Variants in ANKFN1 observed in about 807,000 individuals in gnomAD.
The protein encoded by ANKFN1 is ankyrin repeat and fibronectin type III domain containing 1, also known as ankyrin repeat and fibronectin type-III domain-containing protein 1.
A neutral mutation model predicts 108.7 loss-of-function variants in ANKFN1; 74 were observed. That is an observed-to-expected ratio of 0.68 (90% CI 0.56 to 0.83). ANKFN1 has a LOEUF of 0.83. ANKFN1 is among the 40% of genes least tolerant of loss of function. ANKFN1 has a pLI of 0.00. For synonymous variants in ANKFN1, 547 were observed against 516.2 expected (o/e 1.06, Z -0.81); for missense variants, 1,505 against 1,382.3 (o/e 1.09, Z -1.41).
intron 4 of ANKFN1, among the ~76,000 whole-genome samples, 185 bp downstream of exon 4, chr17:56,326,540 T>C (rs1207590826): frequency 6.6e-6 from 1 of 152,182 alleles, no homozygotes; most frequent in Non-Finnish European, 1.5e-5. Flanking sequence ...TGGTCTGCAA[T>C]TGTACATACA....
At chr17:56,375,324 A>G (rs2046917373) in intron 8 of ANKFN1, among the ~76,000 whole-genome samples, 1 of 152,204 alleles carries the variant, frequency 6.6e-6, no homozygotes, top group Admixed American at 6.5e-5. Context: ...CACAGGTATA[A>G]AACCAAGAAC....
chr17:56,095,506 T>C (rs544448396), intron 4 of ANKFN1, among the ~76,000 whole-genome samples: 1 of 142,548 alleles, frequency 7.0e-6, no homozygotes, highest in Admixed American at 6.9e-5. Context: ...CTTGCTATTT[T>C]GCTCAGGCTG....
At chr17:56,477,821 T>C (rs1012789770) in intron 16 of ANKFN1, among the ~76,000 whole-genome samples, 167 bp downstream of exon 16, 1 of 152,058 alleles carries the variant, frequency 6.6e-6, no homozygotes, top group Non-Finnish European at 1.5e-5. Context: ...GGGGTTTTTT[T>C]TTGTTTTGTT....
At chr17:56,268,798 C>T (rs1292383688) in intron 3 of ANKFN1, among the ~76,000 whole-genome samples, 1 of 152,048 alleles carries the variant, frequency 6.6e-6, no homozygotes, top group South Asian at 2.1e-4. Context: ...TTATTTTCAA[C>T]TCATCTTCTT....
intron 3 of ANKFN1, among the ~76,000 whole-genome samples, chr17:56,314,228 G>A (rs1475857504): frequency 6.6e-6 from 1 of 152,180 alleles, no homozygotes; most frequent in East Asian, 1.9e-4. Context: ...AACTAAGACT[G>A]CTATATTCTT....
At chr17:56,323,928 G>A (rs764408007) in intron 3 of ANKFN1, among the ~76,000 whole-genome samples, 5 of 152,134 alleles carry the variant, frequency 3.3e-5, no homozygotes, top group Admixed American at 6.5e-5. Flanking sequence ...ATAAGGTGTC[G>A]TGCTTTCAGA....
chr17:56,303,610 T>C (rs2044732776), intron 3 of ANKFN1, among the ~76,000 whole-genome samples: 1 of 152,188 alleles, frequency 6.6e-6, no homozygotes, highest in South Asian at 2.1e-4. Flanking sequence ...TTAAGCTTCT[T>C]ATTTTGAGAT....
At chr17:56,061,445 G>C (rs1904975152) in intron 4 of ANKFN1, among the ~76,000 whole-genome samples, 1 of 151,490 alleles carries the variant, frequency 6.6e-6, no homozygotes, top group Non-Finnish European at 1.5e-5. Flanking sequence ...CTAATTTTTT[G>C]TATTTTTAGT....
rs545163697 is a variant in ANKFN1, at chr17:56,123,302, A to G, written c.288+76977A>G. Among the ~76,000 whole-genome samples the G allele has an allele frequency of 4.6e-5, 7 of 152,332 alleles. No homozygotes were observed. In the South Asian group the frequency reaches 1.4e-3, roughly 32 times the overall value. On this transcript the variant is annotated intron_variant, in intron 4 of 12. Transcript: ENST00000635860. ...TTCCATCAGCGAACTCTGAGAATGC[A>G]GAACAGCTCCTGCCTTGAGCATCTC...
intron 3 of ANKFN1, among the ~76,000 whole-genome samples, chr17:56,295,220 G>A (rs1248439358): frequency 6.6e-6 from 1 of 152,196 alleles, no homozygotes; most frequent in Admixed American, 6.5e-5. Flanking sequence ...CCCAATTCTT[G>A]AGACGGTCAT....
At chr17:56,188,672 G>C (rs1328821384) in intron 1 of ANKFN1, among the ~76,000 whole-genome samples, 1 of 141,472 alleles carries the variant, frequency 7.1e-6, no homozygotes, top group African/African-American at 2.6e-5. Context: ...CTTGAAACAC[G>C]TATGCTTTTC....
At chr17:56,485,361 G>T (rs2050822345) in intron 18 of ANKFN1, among the ~76,000 whole-genome samples, 1 of 152,206 alleles carries the variant, frequency 6.6e-6, no homozygotes, top group South Asian at 2.1e-4. Context: ...CATTTGAGCA[G>T]AGACCTAATA....
rs567895522 is a variant in ANKFN1 at position 56,165,433 on chromosome 17, T to C, written c.-71+11903T>C. Among the ~76,000 whole-genome samples the C allele has an allele frequency of 1.2e-4, 19 of 152,342 alleles. No homozygotes were observed. The South Asian group carries it at 3.9e-3, about 32-fold the overall frequency. On this transcript the variant is annotated intron_variant, in intron 1 of 20. Transcript: ENST00000682825. ...AATGAGATAGGGTATGCTTTATGTCTCATTTCCTTGTCAAGTGAAGTAGAT... is the reference window on the plus strand; with the variant it reads ...AATGAGATAGGGTATGCTTTATGTCCCATTTCCTTGTCAAGTGAAGTAGAT...
Position 56,290,345 on chromosome 17 carries a change from A to C in ANKFN1, c.54-35876A>C, listed in dbSNP as rs2044327643. ...TAGGGAATCTCTTTGCTTTTCTGTGACTCATTTTCTCCAGCTATGAAATAA... is the reference window on the plus strand; with the variant it reads ...TAGGGAATCTCTTTGCTTTTCTGTGCCTCATTTTCTCCAGCTATGAAATAA... On this transcript the variant is annotated intron_variant, in intron 3 of 20. Transcript: ENST00000682825. Among the ~76,000 whole-genome samples the C allele has an allele frequency of 2.0e-5, 3 of 152,184 alleles. No homozygotes were observed. In the South Asian group the frequency reaches 6.2e-4, roughly 32 times the overall value.
intron 10 of ANKFN1, among the ~76,000 whole-genome samples, chr17:56,448,284 A>C (rs1332105102): frequency 6.6e-6 from 1 of 152,192 alleles, no homozygotes; most frequent in Non-Finnish European, 1.5e-5. Flanking sequence ...TGCTGAAAAA[A>C]AAAACAAAAA....
chr17:56,208,599 G>A (rs1022951849), intron 1 of ANKFN1, among the ~76,000 whole-genome samples: 3 of 152,068 alleles, frequency 2.0e-5, no homozygotes, highest in South Asian at 4.2e-4. Context: ...CATGATATCC[G>A]CTGATCCTGC....
chr17:56,427,136 C>T (rs2048593845), intron 8 of ANKFN1, among the ~76,000 whole-genome samples: 1 of 152,162 alleles, frequency 6.6e-6, no homozygotes, highest in South Asian at 2.1e-4. Flanking sequence ...TAATTCCCCA[C>T]AAATTCCTTT....
chr17:56,110,324 T>G (rs1367693), intron 4 of ANKFN1, among the ~76,000 whole-genome samples: 79,833 of 151,958 alleles, frequency 0.53, 21,342 homozygotes, highest in East Asian at 0.81. Context: ...ACTAATTTGT[T>G]TACTTTTCGG....
At chr17:56,254,120 GA>G (rs2043299874) in intron 3 of ANKFN1, 1 of 152,164 alleles carries the variant, frequency 6.6e-6, no homozygotes, top group South Asian at 2.1e-4. Context: ...TACCAGAACA[GA>G]ACATGCGTCA....
Sources: allele counts gnomAD v4.1 joint callset (sites outside exome capture counted in the v4.1 genomes callset), GRCh38; gene constraint gnomAD v4.1.1; transcripts MANE v1.5; gene names NCBI Gene and HGNC (gene_info 2026-07-23, HGNC 2026-07-21).